The following PDE4D variants were observed in gnomAD, a reference collection of about 807,000 sequenced individuals.
The protein encoded by PDE4D is phosphodiesterase 4D, also known as 3',5'-cyclic-AMP phosphodiesterase 4D.
PDE4D carries 24 observed loss-of-function variants against 87.4 expected under a neutral mutation model. That is an observed-to-expected ratio of 0.27 (90% confidence interval 0.20 to 0.39). PDE4D has a LOEUF of 0.39. PDE4D is among the 10% of genes least tolerant of loss of function. The pLI, the probability that PDE4D is intolerant of heterozygous loss-of-function variation, is 1.00. For synonymous variants in PDE4D, 384 were observed against 383.2 expected (o/e 1.00, Z -0.02); for missense variants, 714 against 1,041.0 (o/e 0.69, Z 4.32).
intron 1 of PDE4D, among the ~76,000 whole-genome samples, chr5:60,305,931 T>C (rs1024129106): frequency 6.6e-6 from 1 of 151,790 alleles, no homozygotes; most frequent in African/African-American, 2.4e-5. Flanking sequence ...AGCTGGAAAA[T>C]TAAAAGGTCC....
At chr5:59,161,325 A>G (rs1245570848) in intron 5 of PDE4D, among the ~76,000 whole-genome samples, 2 of 152,218 alleles carry the variant, frequency 1.3e-5, no homozygotes, top group African/African-American at 4.8e-5. Context: ...TAAGATTTAC[A>G]CTGGTTCTAT....
intron 1 of PDE4D, chr5:59,276,009 AG>A (rs1462307891): frequency 4.1e-6 from 4 of 984,498 alleles, no homozygotes; most frequent in Non-Finnish European, 4.8e-6. Flanking sequence ...CTTAGAATCC[AG>A]GGTTTTGTGA....
intron 1 of PDE4D, among the ~76,000 whole-genome samples, chr5:59,637,985 T>C (rs909131808): frequency 2.0e-5 from 3 of 152,216 alleles, no homozygotes; most frequent in African/African-American, 7.2e-5. Context: ...CGTTATATTT[T>C]CCAAATTCTC....
chr5:59,704,344 C>A (rs779634039), intron 1 of PDE4D, among the ~76,000 whole-genome samples: 21 of 152,176 alleles, frequency 1.4e-4, no homozygotes, highest in Non-Finnish European at 2.1e-4. Flanking sequence ...CTTCTTTCAA[C>A]ATTTATTGTA....
chr5:60,427,355 T>C lies in PDE4D; in HGVS notation c.-90+60587A>G, dbSNP rs930272694. On this transcript the variant is annotated intron_variant, in intron 1 of 16. Coordinates refer to the PDE4D transcript ENST00000502484. ...AGTTGAACAAGGATAAGAATGATCA[T>C]GGGCTTATGAGAAACAGTGGGGACT... Among the ~76,000 whole-genome samples, 6 of 152,182 alleles carry C rather than the reference T, an allele frequency of 3.9e-5. No homozygotes were observed. The South Asian group carries it at 6.2e-4, about 16-fold the overall frequency.
At chr5:59,381,368 C>T (rs915768871) in intron 1 of PDE4D, among the ~76,000 whole-genome samples, 20 of 152,232 alleles carry the variant, frequency 1.3e-4, no homozygotes, top group African/African-American at 4.8e-4. Flanking sequence ...TGAAGAACTT[C>T]TTCCTCCTTT....
chr5:59,254,132 C>T (rs563246284), intron 1 of PDE4D, among the ~76,000 whole-genome samples: 10 of 152,102 alleles, frequency 6.6e-5, no homozygotes, highest in South Asian at 2.1e-4. Context: ...GGAAACTGTG[C>T]GGAAAGTAAA....
At chr5:60,424,597 G>C (rs9659867) in intron 1 of PDE4D, among the ~76,000 whole-genome samples, 1 of 152,164 alleles carries the variant, frequency 6.6e-6, no homozygotes. Flanking sequence ...GCAAAAACTA[G>C]AAGCATTCCC....
chr5:60,513,202 C>T (rs1750651353), intron 1 of PDE4D, among the ~76,000 whole-genome samples: 2 of 152,014 alleles, frequency 1.3e-5, no homozygotes, highest in African/African-American at 4.8e-5. Context: ...CTATATGTTT[C>T]TTACAAGAGA....
At chr5:59,895,420 T>C (rs1751528204), upstream of PDE4D, among the ~76,000 whole-genome samples, 1 of 152,212 alleles carries the variant, frequency 6.6e-6, no homozygotes. Flanking sequence ...AAAGGTTGTG[T>C]CTTAAGAGAA....
At chr5:60,404,809 C>T (rs1391409503) in intron 1 of PDE4D, among the ~76,000 whole-genome samples, 1 of 152,156 alleles carries the variant, frequency 6.6e-6, no homozygotes, top group East Asian at 1.9e-4. Context: ...AGGGATTGGG[C>T]CATGTTGGAA....
intron 1 of PDE4D, among the ~76,000 whole-genome samples, chr5:59,441,619 G>C (rs1797627328): frequency 6.6e-6 from 1 of 152,138 alleles, no homozygotes; most frequent in African/African-American, 2.4e-5. Flanking sequence ...GGTGTGATAT[G>C]ACGATTGCAG....
intron 1 of PDE4D, among the ~76,000 whole-genome samples, chr5:59,393,265 G>A (rs1163141587): frequency 6.6e-6 from 1 of 152,150 alleles, no homozygotes; most frequent in African/African-American, 2.4e-5. Flanking sequence ...ATCAATGCCA[G>A]AGATGGGGAC....
intron 1 of PDE4D, among the ~76,000 whole-genome samples, chr5:59,422,761 G>T (rs528043691): frequency 1.3e-5 from 2 of 152,262 alleles, no homozygotes; most frequent in East Asian, 3.9e-4. Flanking sequence ...ACTCCTTTTG[G>T]CAAGCGAGAG....
intron 1 of PDE4D, among the ~76,000 whole-genome samples, chr5:59,287,070 AC>A (rs1222077379): frequency 6.6e-6 from 1 of 152,164 alleles, no homozygotes; most frequent in Non-Finnish European, 1.5e-5. Context: ...CAGCTTAGGT[AC>A]CAGCTTAGCC....
chr5:60,240,114 T>C (rs985865253), intron 1 of PDE4D, among the ~76,000 whole-genome samples: 3 of 152,102 alleles, frequency 2.0e-5, no homozygotes, highest in African/African-American at 7.2e-5. Context: ...TTTTGTTTTA[T>C]ATATTATTAA....
chr5:60,261,662 G>T (rs1749658041), intron 1 of PDE4D, among the ~76,000 whole-genome samples: 1 of 152,062 alleles, frequency 6.6e-6, no homozygotes, highest in Admixed American at 6.6e-5. Context: ...ACAACCTAAA[G>T]ATAATGCCCA....
chr5:59,028,056 C>T (rs538377943), intron 6 of PDE4D, among the ~76,000 whole-genome samples: 14 of 152,140 alleles, frequency 9.2e-5, no homozygotes, highest in East Asian at 5.8e-4. Context: ...AGAGGAAGAA[C>T]GTATGTACAT....
intron 1 of PDE4D, among the ~76,000 whole-genome samples, chr5:59,844,620 G>A (rs1161493744): frequency 1.3e-5 from 2 of 151,944 alleles, no homozygotes; most frequent in African/African-American, 2.4e-5. Context: ...GGTTCTTCCT[G>A]CCTGGAAAAT....
Sources: gnomAD v4.1 joint callset for allele counts (sites outside exome capture counted in the v4.1 genomes callset) on GRCh38, gnomAD v4.1.1 for gene constraint, MANE v1.5 for transcripts, NCBI Gene and HGNC (gene_info 2026-07-23, HGNC 2026-07-21) for gene names.